Variants in LRRC69 observed in about 807,000 individuals in gnomAD.
The protein encoded by LRRC69 is leucine-rich repeat-containing protein 69.
LRRC69 carries 42 observed loss-of-function variants against 37.8 expected under a neutral mutation model. The ratio of observed to expected loss-of-function variants is 1.11; its 90% CI spans 0.87 to 1.44. The LOEUF (loss-of-function observed/expected upper bound fraction) is 1.44, where lower values mean the gene tolerates loss of function less well. Ranked by LOEUF, LRRC69 falls within the 40% of genes most tolerant of loss-of-function variation. LRRC69 has a pLI of 0.00. For missense variants in LRRC69, 357 were observed against 401.9 expected (o/e 0.89, Z 0.96); for synonymous variants, 141 against 143.1 (o/e 0.99, Z 0.11).
intron 1 of LRRC69, among the ~76,000 whole-genome samples, chr8:91,123,099 ACT>A (rs1264614351): frequency 6.6e-6 from 1 of 152,150 alleles, no homozygotes; most frequent in Admixed American, 6.6e-5. Context: ...ATGGAGGCTG[ACT>A]CTGAAAGTTA....
chr8:91,171,949 GT>G (rs1475661294), intron 5 of LRRC69, among the ~76,000 whole-genome samples: 2 of 122,304 alleles, frequency 1.6e-5, no homozygotes, highest in Admixed American at 7.4e-5. Context: ...GCACATGGAG[GT>G]TTTTTTTTTA....
At chr8:91,110,338 A>G (rs1813387733) in intron 1 of LRRC69, among the ~76,000 whole-genome samples, 1 of 152,070 alleles carries the variant, frequency 6.6e-6, no homozygotes, top group African/African-American at 2.4e-5. Flanking sequence ...TTTTTTTAAT[A>G]CTTAAAAAGG....
chr8:91,120,546 A>C (rs1813600736), intron 1 of LRRC69, among the ~76,000 whole-genome samples: 2 of 152,122 alleles, frequency 1.3e-5, no homozygotes, highest in South Asian at 4.1e-4. Context: ...TTGGGCTGTT[A>C]TGTCCTGGCA....
chr8:91,124,541 G>A, exon 2 of LRRC69: 1 of 1,542,510 alleles, frequency 6.5e-7, no homozygotes, highest in Non-Finnish European at 8.8e-7. Context: ...AGTTCCGGAA[G>A]AGATGAAATA....
At chr8:91,105,187 T>C (rs565511291) in intron 1 of LRRC69, among the ~76,000 whole-genome samples, 1 of 152,120 alleles carries the variant, frequency 6.6e-6, no homozygotes, top group South Asian at 2.1e-4. Flanking sequence ...AATGGTATTA[T>C]GTTTAGCTGT....
chr8:91,189,122 G>T (rs145908891), intron 5 of LRRC69, among the ~76,000 whole-genome samples: 39 of 152,256 alleles, frequency 2.6e-4, no homozygotes, highest in African/African-American at 7.2e-4. Flanking sequence ...AGATCTAGAG[G>T]TTGGTGTATG....
chr8:91,209,535 T>C (rs1320233148), intron 7 of LRRC69: 1 of 152,172 alleles, frequency 6.6e-6, no homozygotes, highest in Non-Finnish European at 1.5e-5. Flanking sequence ...GCAATGTAGC[T>C]GTAAAAGGTA....
intron 5 of LRRC69, among the ~76,000 whole-genome samples, chr8:91,188,840 T>G (rs558384062): frequency 7.2e-5 from 11 of 152,086 alleles, no homozygotes; most frequent in Non-Finnish European, 1.3e-4. Flanking sequence ...CTTCTGTTTT[T>G]TTTTTTTTTT....
chr8:91,150,956 T>C (rs1057037762), intron 5 of LRRC69, among the ~76,000 whole-genome samples: 1 of 151,790 alleles, frequency 6.6e-6, no homozygotes, highest in Admixed American at 6.6e-5. Flanking sequence ...TTTTATTGTG[T>C]CTGTTTCATT....
At chr8:91,130,591 A>C (rs1813790977) in intron 3 of LRRC69, among the ~76,000 whole-genome samples, 1 of 152,060 alleles carries the variant, frequency 6.6e-6, no homozygotes, top group Non-Finnish European at 1.5e-5. Context: ...GTTTATTCTG[A>C]GTAGCATTTC....
chr8:91,195,932 C>T (rs1311511522), intron 6 of LRRC69, among the ~76,000 whole-genome samples: 2 of 152,184 alleles, frequency 1.3e-5, no homozygotes, highest in Admixed American at 1.3e-4. Flanking sequence ...GCAGTTTCTT[C>T]CTAGTCCTGA....
At chr8:91,118,257 C>A in intron 1 of LRRC69, 1 of 452,132 alleles carries the variant, frequency 2.2e-6, no homozygotes, top group Non-Finnish European at 4.4e-6. Context: ...GTAATCCCAG[C>A]ACTTTGGGAG....
At chr8:91,185,710 T>C (rs886293690) in intron 5 of LRRC69, among the ~76,000 whole-genome samples, 3 of 152,224 alleles carry the variant, frequency 2.0e-5, no homozygotes, top group African/African-American at 4.8e-5. Flanking sequence ...TTAGAGTTAC[T>C]AATTAAATCT....
intron 6 of LRRC69, 124 bp from the exon 7 acceptor site, chr8:91,200,489 A>G: frequency 1.6e-6 from 1 of 625,250 alleles, no homozygotes; most frequent in Non-Finnish European, 2.5e-6. Flanking sequence ...GATACACTGC[A>G]GAATCTTAAT....
chr8:91,197,863 C>A (rs1036617661), intron 6 of LRRC69, among the ~76,000 whole-genome samples: 5 of 152,012 alleles, frequency 3.3e-5, no homozygotes, highest in African/African-American at 1.2e-4. Flanking sequence ...CATCTTGGCT[C>A]CTCCCGTCTC....
At chr8:91,184,079 C>T (rs554344937) in intron 5 of LRRC69, among the ~76,000 whole-genome samples, 3 of 152,144 alleles carry the variant, frequency 2.0e-5, no homozygotes, top group South Asian at 4.2e-4. Context: ...CTCAGGAGTT[C>T]GAGACCTGGG....
At chr8:91,111,931 A>G (rs753798629) in intron 1 of LRRC69, among the ~76,000 whole-genome samples, 5 of 151,938 alleles carry the variant, frequency 3.3e-5, no homozygotes, top group Non-Finnish European at 7.4e-5. Flanking sequence ...TATAATATAA[A>G]TAATAATAAT....
intron 5 of LRRC69, among the ~76,000 whole-genome samples, chr8:91,174,495 C>G (rs1809190442): frequency 6.6e-6 from 1 of 152,158 alleles, no homozygotes; most frequent in African/African-American, 2.4e-5. Flanking sequence ...TCTGCAGTCT[C>G]CATCATGAAT....
intron 5 of LRRC69, among the ~76,000 whole-genome samples, chr8:91,149,993 A>G (rs972684447): frequency 5.9e-5 from 9 of 151,966 alleles, no homozygotes; most frequent in Admixed American, 2.0e-4. Flanking sequence ...GGCTGAGACA[A>G]TGGGGTTTTC....
Sources: allele counts gnomAD v4.1 joint callset (sites outside exome capture counted in the v4.1 genomes callset), GRCh38; gene constraint gnomAD v4.1.1; transcripts MANE v1.5; gene names NCBI Gene and HGNC (gene_info 2026-07-23, HGNC 2026-07-21).